The following GUCA1B variants were observed in gnomAD, a reference collection of about 807,000 sequenced individuals.
The protein encoded by GUCA1B is guanylate cyclase activator 1B, also known as guanylyl cyclase-activating protein 2.
GUCA1B carries 22 observed loss-of-function variants against 24.2 expected under a neutral mutation model. The ratio of observed to expected loss-of-function variants is 0.91; its 90% confidence interval spans 0.65 to 1.30. The LOEUF (loss-of-function observed/expected upper bound fraction) is 1.30, where lower values mean the gene tolerates loss of function less well. Ranked by LOEUF, GUCA1B falls within the 50% of genes most tolerant of loss-of-function variation. The pLI, the probability that GUCA1B is intolerant of heterozygous loss-of-function variation, is 0.00. For synonymous variants in GUCA1B, 100 were observed against 97.9 expected (o/e 1.02, Z -0.13); for missense variants, 221 against 258.8 (o/e 0.85, Z 1.00).
intron 1 of GUCA1B, among the ~76,000 whole-genome samples, 195 bp from the exon 2 acceptor site, chr6:42,188,926 T>C (rs1003945699): frequency 1.2e-4 from 18 of 144,174 alleles, no homozygotes; most frequent in Admixed American, 1.0e-3. Flanking sequence ...TCTCTCTCTC[T>C]CTCTCTATCT....
chr6:42,188,938 ACTAT>A (rs1164904884), intron 1 of GUCA1B, among the ~76,000 whole-genome samples: 3 of 114,034 alleles, frequency 2.6e-5, no homozygotes, highest in Admixed American at 8.2e-5. Context: ...TCTCTATCTG[ACTAT>A]CTATCATCTG....
At chr6:42,189,186 C>A (rs56402927) in intron 1 of GUCA1B, among the ~76,000 whole-genome samples, 48,867 of 151,890 alleles carry the variant, frequency 0.32, 10,412 homozygotes, top group African/African-American at 0.61. Context: ...TATTCTCTGA[C>A]CTCTTCAGCC....
Position 42,188,886 on chromosome 6 carries a change from T to TTCTATCTATCTATCTATCTATCTATCTA in GUCA1B, c.208-156_208-155insTAGATAGATAGATAGATAGATAGATAGA, listed in dbSNP as rs11270970. 3.9e-3 allele frequency among the ~76,000 whole-genome samples: 449 copies of TTCTATCTATCTATCTATCTATCTATCTA among 116,452 alleles called. 6 individuals carry two copies. The highest frequency in any genetic ancestry group is 0.021 in the African/African-American group (420 of 20,404). The allele number at this position is 116,452 out of a possible 152,430, so 76.4% of individuals were successfully genotyped here. ...TTCTCCACCCTTGGGGTAGAGAACA[T>TTCTATCTATCTATCTATCTATCTATCTA]TCTATCTATCTATCTATATCTATAT... On this transcript the variant is annotated intron_variant, in intron 1 of 3. Transcript: ENST00000230361.
In GUCA1B at chr6:42,184,528, G is replaced by A; in HGVS notation, c.*287C>T. ...TTCCAACTGAGAACACCCAGAAACT[G>A]TGGGAGCCCCACAACCACCCAGCCA... On this transcript the variant is annotated 3_prime_UTR_variant, in exon 4 of 4. Coordinates refer to ENST00000230361, the MANE Select transcript of GUCA1B (RefSeq NM_002098.6). 1 of 451,862 alleles carries A rather than the reference G, an allele frequency of 2.2e-6. No individual in the cohort carries two copies. The highest frequency in any genetic ancestry group is 4.1e-6 in the Non-Finnish European group (1 of 241,326). 28.0% of individuals were successfully genotyped at this position (451,862 alleles called of 1,614,324 possible).
At chr6:42,186,726 T>C (rs1339652464) in intron 2 of GUCA1B, among the ~76,000 whole-genome samples, 3 of 152,190 alleles carry the variant, frequency 2.0e-5, no homozygotes, top group Admixed American at 6.5e-5. Flanking sequence ...ATGGCCTCAC[T>C]GCTCAGCCCA....
intron 1 of GUCA1B, among the ~76,000 whole-genome samples, chr6:42,192,108 C>T (rs1406484745): frequency 6.7e-6 from 1 of 148,234 alleles, no homozygotes; most frequent in African/African-American, 2.5e-5. Flanking sequence ...GTAATCCCAA[C>T]ACTTTGGGAG....
At position 42,194,890 on chromosome 6, in the gene GUCA1B, CA is replaced by C; in HGVS notation, c.-71del. 1 of 1,103,368 alleles carries C rather than the reference CA, an allele frequency of 9.1e-7. No individual in the cohort carries two copies. Among genetic ancestry groups the C allele is most frequent in the Non-Finnish European group, 1.3e-6 (1 of 746,850 alleles). 68.3% of individuals were successfully genotyped at this position (1,103,368 alleles called of 1,614,324 possible). A position where few individuals can be genotyped will look rare whatever the true frequency, so the allele number is the denominator to read the frequency against. ...CCTGGCTTCTGCTGATGGATCTCTC[CA>C]ACTAGGGCCCTCTTCCTCCCTTTCC... On this transcript the variant is annotated 5_prime_UTR_variant, in exon 1 of 4. Coordinates refer to ENST00000230361, the MANE Select transcript of GUCA1B (RefSeq NM_002098.6).
At chr6:42,188,344 A>ATG (rs1257861742) in intron 2 of GUCA1B, among the ~76,000 whole-genome samples, 9 of 146,538 alleles carry the variant, frequency 6.1e-5, no homozygotes, top group African/African-American at 2.0e-4. Flanking sequence ...TCCACAGAGT[A>ATG]TGTGGAAGTC....
chr6:42,194,613 C>T lies in GUCA1B; in HGVS notation c.207+1G>A, dbSNP rs1202390791. ...TGGTCCTTCCCTTCAGGGTGCCTTA[C>T]CCCATTCTTGTCGAAGGCTCGGAAC... On this transcript the variant is annotated splice_donor_variant, in intron 1 of 3. Coordinates refer to ENST00000230361, the MANE Select transcript of GUCA1B (RefSeq NM_002098.6). LOFTEE classifies it high-confidence loss of function. 1.5e-5 allele frequency: 24 copies of T among 1,599,016 alleles called. No homozygotes were observed. Among genetic ancestry groups the T allele is most frequent in the Middle Eastern group, 1.7e-4 (1 of 6,050 alleles).
intron 1 of GUCA1B, among the ~76,000 whole-genome samples, chr6:42,192,531 G>C (rs1768329212): frequency 6.6e-6 from 1 of 151,954 alleles, no homozygotes. Context: ...GGTCAACATG[G>C]TGAAACCCCG....
At chr6:42,187,418 C>CCTTTTTTTTT (rs1554187028) in intron 2 of GUCA1B, among the ~76,000 whole-genome samples, 2 of 129,582 alleles carry the variant, frequency 1.5e-5, no homozygotes. Context: ...GTTTATTTTA[C>CCTTTTTTTTT]TTTTTTTTTT....
intron 2 of GUCA1B, among the ~76,000 whole-genome samples, chr6:42,187,174 G>A (rs961346370): frequency 3.3e-5 from 5 of 151,066 alleles, no homozygotes; most frequent in Admixed American, 1.3e-4. Context: ...GTGCAATCTC[G>A]GCTTGCTGCA....
At chr6:42,188,768 A>C (rs1287406220) in intron 1 of GUCA1B, 37 bp from the exon 2 acceptor site, 8 of 1,593,448 alleles carry the variant, frequency 5.0e-6, no homozygotes, top group Non-Finnish European at 6.8e-6. Flanking sequence ...GGCACAGCCC[A>C]CCTCCCCAGA....
rs908054965 is a variant in GUCA1B at position 42,185,664 on chromosome 6, T to A, written c.475+16A>T. On this transcript the variant is annotated intron_variant, in intron 3 of 3. Coordinates refer to ENST00000230361, the MANE Select transcript of GUCA1B (RefSeq NM_002098.6). ...TGCAGAGTGGACAGCACTCTCCCCA[T>A]CTCTGCCCCTCTTACCATCTCCATT... is the stretch of plus-strand genomic sequence containing the variant. 1 of 1,418,258 alleles carries A rather than the reference T, an allele frequency of 7.1e-7. No homozygotes were observed. Among genetic ancestry groups the A allele is most frequent in the Middle Eastern group, 1.8e-4 (1 of 5,652 alleles). The allele number at this position is 1,418,258 out of a possible 1,614,324, so 87.9% of individuals were successfully genotyped here.
chr6:42,186,068 T>G (rs1330915284), intron 2 of GUCA1B, among the ~76,000 whole-genome samples: 1 of 152,050 alleles, frequency 6.6e-6, no homozygotes, highest in Admixed American at 6.6e-5. Flanking sequence ...AAAGCCCAAA[T>G]CCAAAACCTC....
In GUCA1B at chr6:42,188,607, C is replaced by T. The variant is rs750812813; in HGVS notation, c.332G>A (p.Arg111His). The change falls in exon 2 of 4, where the codon CGC (arginine) becomes CAC (histidine). Residue 111 changes from arginine (R) to histidine (H), a missense_variant. By Grantham distance (29) the Arg-to-His change is conservative (BLOSUM62 0). Transcript: ENST00000230361. ...CTCCACAATGTTGAGTAGCTCCAGG[C>T]GGTCGATGCAGCCATTGCCATCCTT... ...YDKDGNGCID[R>H]LELLNIVEGI... is the part of the protein sequence containing the mutation. 31 of 1,613,954 alleles carry T rather than the reference C, an allele frequency of 1.9e-5. No homozygotes were observed. Among genetic ancestry groups the T allele is most frequent in the Non-Finnish European group, 2.3e-5 (27 of 1,179,996 alleles).
In GUCA1B at chr6:42,184,654, TC is replaced by T. The variant is rs1300044044; in HGVS notation, c.*160del. 37 of 784,440 alleles carry T rather than the reference TC, an allele frequency of 4.7e-5. No individual in the cohort carries two copies. In the African/African-American group the frequency reaches 5.2e-4, roughly 11 times the overall value. 48.6% of individuals were successfully genotyped at this position (784,440 alleles called of 1,614,324 possible). On this transcript the variant is annotated 3_prime_UTR_variant, in exon 4 of 4. Transcript: ENST00000230361. Reference sequence around the variant, plus strand: ...AATGGACTATGCCCTGTTGGCCACTTCAAACCCAGCAGCCCTTCCCCATCCC... The same window carrying T: ...AATGGACTATGCCCTGTTGGCCACTTAAACCCAGCAGCCCTTCCCCATCCC...
At position 42,184,573 on chromosome 6, in the gene GUCA1B, G is replaced by C. The variant is rs1481313075; in HGVS notation, c.*242C>G. 1.8e-6 allele frequency: 1 copy of C among 543,946 alleles called. No homozygotes were observed. The highest frequency in any genetic ancestry group is 1.9e-5 in the African/African-American group (1 of 53,378). The allele number at this position is 543,946 out of a possible 1,614,324, so 33.7% of individuals were successfully genotyped here. ...CAGCCAAGGCACAGTCCTCCCAGGA[G>C]CGGCTGAACAGGAAAAGTAACTGAA... On this transcript the variant is annotated 3_prime_UTR_variant, in exon 4 of 4. Coordinates refer to ENST00000230361, the MANE Select transcript of GUCA1B (RefSeq NM_002098.6).
chr6:42,187,388 G>A (rs1241854961), intron 2 of GUCA1B, among the ~76,000 whole-genome samples: 2 of 150,064 alleles, frequency 1.3e-5, no homozygotes, highest in African/African-American at 2.5e-5. Flanking sequence ...ACAGGCGTGG[G>A]CCACCGTGCC....
Sources: allele counts gnomAD v4.1 joint callset (sites outside exome capture counted in the v4.1 genomes callset), GRCh38; gene constraint gnomAD v4.1.1; transcripts MANE v1.5; gene names NCBI Gene and HGNC (gene_info 2026-07-23, HGNC 2026-07-21).